The following LRRIQ3 variants were observed in gnomAD, a reference collection of about 807,000 sequenced individuals.
LRRIQ3 encodes leucine rich repeats and IQ motif containing 3.
LRRIQ3 carries 75 observed loss-of-function variants against 59.3 expected under a neutral mutation model. The ratio of observed to expected loss-of-function variants is 1.26; its 90% CI spans 1.05 to 1.53. The LOEUF (loss-of-function observed/expected upper bound fraction) is 1.53. Ranked by LOEUF, LRRIQ3 falls within the 40% of genes most tolerant of loss-of-function variation. LRRIQ3 has a pLI of 0.00. For missense variants in LRRIQ3, 831 were observed against 710.0 expected (o/e 1.17, Z -1.94); for synonymous variants, 250 against 231.3 (o/e 1.08, Z -0.73).
intron 6 of LRRIQ3, among the ~76,000 whole-genome samples, chr1:74,044,921 A>C (rs745678919): frequency 6.6e-6 from 1 of 152,192 alleles, no homozygotes; most frequent in Non-Finnish European, 1.5e-5. Flanking sequence ...GAAGAATTTG[A>C]ATCCCTGAAT....
At chr1:74,147,182 TAA>T (rs1557639716) in intron 4 of LRRIQ3, among the ~76,000 whole-genome samples, 1 of 152,094 alleles carries the variant, frequency 6.6e-6, no homozygotes, top group African/African-American at 2.4e-5. Context: ...TGAGCTTAGA[TAA>T]CACCACTGCA....
chr1:74,074,899 C>T (rs1487454301), intron 5 of LRRIQ3, 109 bp from the exon 6 acceptor site: 13 of 545,714 alleles, frequency 2.4e-5, no homozygotes, highest in Non-Finnish European at 3.4e-5. Flanking sequence ...TCATTTAAAA[C>T]ATGAAAACAA....
intron 4 of LRRIQ3, among the ~76,000 whole-genome samples, chr1:74,137,288 G>C (rs1256308533): frequency 6.6e-6 from 1 of 151,880 alleles, no homozygotes; most frequent in Non-Finnish European, 1.5e-5. Context: ...AAATAGATAT[G>C]AACAGACACT....
At position 74,109,497 on chromosome 1, in the gene LRRIQ3, G is replaced by A; in HGVS notation, c.764C>T (p.Ala255Val). ...CCCTTTGGTTATGTAAATCCATTTT[G>A]CTTCATATCCTCTAATAATTTTTTC... ...QQEKIIRGYEAKWIYITKGYE... is the reference protein window; with the variant it reads ...QQEKIIRGYEVKWIYITKGYE... Residue 255 changes from alanine to valine, a missense_variant, in exon 5 of 8, where the codon GCA becomes GTA. Physicochemically the swap from Ala to Val is moderately conservative, Grantham distance 64 (BLOSUM62 0). Coordinates refer to ENST00000354431, the MANE Select transcript of LRRIQ3 (RefSeq NM_001105659.2). The A allele has an allele frequency of 6.4e-7, 1 of 1,567,736 alleles. No individual in the cohort carries two copies. The highest frequency in any genetic ancestry group is 1.2e-5 in the South Asian group (1 of 80,620).
At chr1:74,172,762 A>G (rs1035637494) in intron 3 of LRRIQ3, among the ~76,000 whole-genome samples, 18 of 151,766 alleles carry the variant, frequency 1.2e-4, no homozygotes, top group Non-Finnish European at 8.8e-5. Flanking sequence ...GAGTGCAAAT[A>G]TATTTATATT....
chr1:74,048,680 TA>T (rs1236540458), intron 6 of LRRIQ3, among the ~76,000 whole-genome samples: 1 of 44,416 alleles, frequency 2.3e-5, no homozygotes, highest in Non-Finnish European at 9.9e-5. Flanking sequence ...ACTTTTTATG[TA>T]AATTTTTTTT....
At chr1:74,054,750 ATATATATC>A (rs954364595) in intron 6 of LRRIQ3, among the ~76,000 whole-genome samples, 6 of 145,740 alleles carry the variant, frequency 4.1e-5, no homozygotes, top group Admixed American at 7.0e-5. Context: ...ATATATATAT[ATATATATC>A]TATATATCTA....
rs182175355 is a variant in LRRIQ3, at chr1:74,122,523, C to T, written c.708-12970G>A. Among the ~76,000 whole-genome samples the T allele has an allele frequency of 2.3e-3, 349 of 152,040 alleles. 3 individuals are homozygous for T. Among genetic ancestry groups the T allele is most frequent in the African/African-American group, 7.4e-3 (306 of 41,476 alleles). On this transcript the variant is annotated intron_variant, in intron 4 of 7. Transcript: ENST00000354431. ...AGAACAGAGCCCTCAGAAATAATGC[C>T]GCATATCTACAATCATCTAATCTTT... is the stretch of plus-strand genomic sequence containing the variant.
At chr1:74,138,695 A>G (rs114953641) in intron 4 of LRRIQ3, among the ~76,000 whole-genome samples, 134 of 152,102 alleles carry the variant, frequency 8.8e-4, no homozygotes, top group African/African-American at 3.2e-3. Context: ...GTTGCAAGTT[A>G]TACTTGTAAT....
intron 7 of LRRIQ3, among the ~76,000 whole-genome samples, chr1:74,039,838 A>G (rs1485500342): frequency 6.6e-6 from 1 of 152,188 alleles, no homozygotes; most frequent in Non-Finnish European, 1.5e-5. Context: ...AAACACACCA[A>G]AATATAATGA....
chr1:74,183,332 A>T, intron 2 of LRRIQ3, 104 bp downstream of exon 2: 1 of 1,029,064 alleles, frequency 9.7e-7, no homozygotes, highest in East Asian at 2.7e-5. Flanking sequence ...TATATTTTAG[A>T]CAAAAGACCA....
At chr1:74,070,940 A>AG (rs1473051169) in intron 6 of LRRIQ3, among the ~76,000 whole-genome samples, 1 of 151,282 alleles carries the variant, frequency 6.6e-6, no homozygotes, top group African/African-American at 2.4e-5. Flanking sequence ...GCATGCCTTT[A>AG]GCAGGGTGGT....
At chr1:74,143,671 C>T (rs1647374172) in intron 4 of LRRIQ3, among the ~76,000 whole-genome samples, 1 of 151,490 alleles carries the variant, frequency 6.6e-6, no homozygotes, top group African/African-American at 2.4e-5. Context: ...TTGTTGAACA[C>T]ACTCAGCATT....
At position 74,102,023 on chromosome 1, in the gene LRRIQ3, C is replaced by T. The variant is rs187084184; in HGVS notation, c.867+7371G>A. Among the ~76,000 whole-genome samples the T allele has an allele frequency of 5.0e-3, 753 of 149,824 alleles. 3 individuals carry two copies. Among genetic ancestry groups the T allele is most frequent in the African/African-American group, 0.017 (685 of 40,632 alleles). On this transcript the variant is annotated intron_variant, in intron 5 of 7. Coordinates refer to ENST00000354431, the MANE Select transcript of LRRIQ3 (RefSeq NM_001105659.2). ...TGTATACATATGTAACAAACCTGCA[C>T]GTTGTGCACATGTACCCTAGAACTT...
At chr1:74,075,151 T>A (rs1157532470) in intron 5 of LRRIQ3, among the ~76,000 whole-genome samples, 2 of 151,364 alleles carry the variant, frequency 1.3e-5, no homozygotes, top group African/African-American at 4.9e-5. Context: ...TTCAGAGTAA[T>A]AAAGGGAGGT....
rs372959600 is a variant in LRRIQ3, at chr1:74,162,656, ATTAAT to A, written c.574-6795_574-6791del. 7.9e-5 allele frequency among the ~76,000 whole-genome samples: 12 copies of A among 151,960 alleles called. No homozygotes were observed. In the East Asian group the frequency reaches 2.3e-3, roughly 29 times the overall value. On this transcript the variant is annotated intron_variant, in intron 3 of 7. Transcript: ENST00000354431. ...TAAAATGATGCAAAACAATTTCCCAATTAATTTGACATTCTAAATGCATATTGTAC... is the reference window on the plus strand; with the variant it reads ...TAAAATGATGCAAAACAATTTCCCAATTGACATTCTAAATGCATATTGTAC...
intron 5 of LRRIQ3, among the ~76,000 whole-genome samples, chr1:74,101,605 C>T (rs1646534171): frequency 6.6e-6 from 1 of 152,128 alleles, no homozygotes; most frequent in African/African-American, 2.4e-5. Flanking sequence ...AAGACACATG[C>T]ACATGTATGT....
chr1:74,100,888 C>A (rs535120385), intron 5 of LRRIQ3, among the ~76,000 whole-genome samples: 2 of 152,138 alleles, frequency 1.3e-5, no homozygotes, highest in Non-Finnish European at 2.9e-5. Context: ...GCCTTCCTTA[C>A]ACCTTATACA....
At chr1:74,185,417 T>C (rs2100730510) in intron 1 of LRRIQ3, among the ~76,000 whole-genome samples, 1 of 152,326 alleles carries the variant, frequency 6.6e-6, no homozygotes, top group South Asian at 2.1e-4. Flanking sequence ...CTTTCATACA[T>C]GTGGCTTATT....
Sources: allele counts gnomAD v4.1 joint callset (sites outside exome capture counted in the v4.1 genomes callset), GRCh38; gene constraint gnomAD v4.1.1; transcripts MANE v1.5; gene names NCBI Gene and HGNC (gene_info 2026-07-23, HGNC 2026-07-21).